Variants in HS3ST4 observed in about 807,000 individuals in gnomAD.
HS3ST4 encodes heparan sulfate glucosamine 3-O-sulfotransferase 4.
A neutral mutation model predicts 29.2 loss-of-function variants in HS3ST4; 17 were observed. The ratio of observed to expected loss-of-function variants is 0.58; its 90% CI spans 0.40 to 0.87. The LOEUF (loss-of-function observed/expected upper bound fraction) is 0.87. Ranked by LOEUF, HS3ST4 falls within the 40% of genes least tolerant of loss-of-function variation. The pLI, the probability that HS3ST4 is intolerant of heterozygous loss-of-function variation, is 0.00. For synonymous variants in HS3ST4, 314 were observed against 285.7 expected (o/e 1.10, Z -1.00); for missense variants, 627 against 634.5 (o/e 0.99, Z 0.13).
chr16:25,842,485 G>A (rs1306292852), intron 1 of HS3ST4, among the ~76,000 whole-genome samples: 1 of 152,184 alleles, frequency 6.6e-6, no homozygotes, highest in Admixed American at 6.5e-5. Context: ...GGACTGTGAT[G>A]TTTTGGAAGG....
intron 1 of HS3ST4, among the ~76,000 whole-genome samples, chr16:25,744,928 T>C (rs1301121149): frequency 2.0e-5 from 3 of 152,164 alleles, no homozygotes; most frequent in Non-Finnish European, 1.5e-5. Context: ...TAAACCACTT[T>C]CCTTTGTAAA....
intron 1 of HS3ST4, among the ~76,000 whole-genome samples, chr16:25,904,239 AATGG>A (rs921485275): frequency 4.6e-5 from 7 of 151,566 alleles, no homozygotes; most frequent in African/African-American, 1.7e-4. Flanking sequence ...TGAATGGATG[AATGG>A]ATGGATGGAA....
At chr16:25,831,364 C>T (rs1967295991) in intron 1 of HS3ST4, among the ~76,000 whole-genome samples, 1 of 150,642 alleles carries the variant, frequency 6.6e-6, no homozygotes, top group Non-Finnish European at 1.5e-5. Context: ...GGGTTTGAGA[C>T]CAGCCTGGGC....
At chr16:26,040,243 G>A (rs755298083) in intron 1 of HS3ST4, among the ~76,000 whole-genome samples, 12 of 149,856 alleles carry the variant, frequency 8.0e-5, no homozygotes, top group Non-Finnish European at 1.8e-4. Flanking sequence ...TGACTTGTCT[G>A]TCCATATTTG....
chr16:25,927,696 T>G (rs985431266), intron 1 of HS3ST4, among the ~76,000 whole-genome samples: 19 of 138,632 alleles, frequency 1.4e-4, no homozygotes, highest in East Asian at 4.0e-4. Context: ...TGTTTTTCTG[T>G]TTTTTTTTTT....
At chr16:25,816,087 TA>T (rs1340864148) in intron 1 of HS3ST4, among the ~76,000 whole-genome samples, 1 of 152,216 alleles carries the variant, frequency 6.6e-6, no homozygotes, top group Non-Finnish European at 1.5e-5. Flanking sequence ...TATTATAAAA[TA>T]CATATATATT....
chr16:25,934,879 G>A (rs374758589), intron 1 of HS3ST4, among the ~76,000 whole-genome samples: 7 of 152,044 alleles, frequency 4.6e-5, no homozygotes, highest in African/African-American at 1.2e-4. Flanking sequence ...CCGCAACCAC[G>A]CATAGCCTCC....
At chr16:26,130,045 A>G (rs1327513606) in intron 1 of HS3ST4, among the ~76,000 whole-genome samples, 1 of 152,190 alleles carries the variant, frequency 6.6e-6, no homozygotes, top group Non-Finnish European at 1.5e-5. Flanking sequence ...TTCAAAAGAG[A>G]AACTGGGCTG....
intron 1 of HS3ST4, among the ~76,000 whole-genome samples, chr16:26,022,204 A>G (rs1969419911): frequency 6.6e-6 from 1 of 151,848 alleles, no homozygotes; most frequent in South Asian, 2.1e-4. Context: ...CCTGGCCTCA[A>G]GCTACCCTCC....
At chr16:25,960,447 G>A (rs1336488786) in intron 1 of HS3ST4, among the ~76,000 whole-genome samples, 13 of 152,146 alleles carry the variant, frequency 8.5e-5, no homozygotes, top group Admixed American at 3.9e-4. Context: ...GTGGTTCTGC[G>A]TGATTCATCA....
chr16:25,971,125 A>T (rs1389972556), intron 1 of HS3ST4, among the ~76,000 whole-genome samples: 1 of 152,148 alleles, frequency 6.6e-6, no homozygotes, highest in Non-Finnish European at 1.5e-5. Flanking sequence ...TGCTGGGATT[A>T]CAGGTGTGAG....
At chr16:25,743,782 A>G (rs1966669612) in intron 1 of HS3ST4, among the ~76,000 whole-genome samples, 1 of 152,214 alleles carries the variant, frequency 6.6e-6, no homozygotes, top group African/African-American at 2.4e-5. Flanking sequence ...CTGGGATTAC[A>G]GGTGTGAGCC....
Position 25,918,468 on chromosome 16 carries a change from A to G in HS3ST4, c.735-217144A>G, listed in dbSNP as rs140611053. Among the ~76,000 whole-genome samples, 1,000 of 152,300 alleles carry G rather than the reference A, an allele frequency of 6.6e-3. 7 individuals are homozygous for G. The highest frequency in any genetic ancestry group is 0.023 in the African/African-American group (946 of 41,566). On this transcript the variant is annotated intron_variant, in intron 1 of 1. Coordinates refer to ENST00000331351, the MANE Select transcript of HS3ST4 (RefSeq NM_006040.3). ...GGTAGCACTACATGGTTAAGCATGC[A>G]TGTGCACAAGAGTTAGAAAAAATAG...
intron 1 of HS3ST4, among the ~76,000 whole-genome samples, chr16:26,003,001 A>G (rs1003961759): frequency 2.0e-5 from 3 of 151,650 alleles, no homozygotes; most frequent in Non-Finnish European, 4.4e-5. Context: ...AAAGGCACCA[A>G]TTTCTGCCTT....
At chr16:26,019,445 C>G (rs1232261364) in intron 1 of HS3ST4, among the ~76,000 whole-genome samples, 1 of 152,078 alleles carries the variant, frequency 6.6e-6, no homozygotes, top group Non-Finnish European at 1.5e-5. Context: ...TTTATTATTG[C>G]TTTATGGTAA....
intron 1 of HS3ST4, among the ~76,000 whole-genome samples, chr16:26,004,421 A>G (rs538814991): frequency 6.6e-6 from 1 of 152,324 alleles, no homozygotes; most frequent in South Asian, 2.1e-4. Flanking sequence ...GGAGAGATTT[A>G]CAAGGTTAAG....
chr16:25,786,905 A>C (rs1338173495), intron 1 of HS3ST4, among the ~76,000 whole-genome samples: 1 of 152,174 alleles, frequency 6.6e-6, no homozygotes, highest in African/African-American at 2.4e-5. Flanking sequence ...TGAATGGAAA[A>C]AATTACTTTT....
chr16:26,097,485 G>A (rs543550346), intron 1 of HS3ST4, among the ~76,000 whole-genome samples: 44 of 152,268 alleles, frequency 2.9e-4, no homozygotes, highest in African/African-American at 7.7e-4. Flanking sequence ...AATAGGAAAA[G>A]GATTCCCTAT....
chr16:26,075,434 C>T (rs1240700557), intron 1 of HS3ST4, among the ~76,000 whole-genome samples: 3 of 152,088 alleles, frequency 2.0e-5, no homozygotes, highest in East Asian at 3.9e-4. Context: ...AACTTGGAGC[C>T]GATCCAATAA....
Sources: gnomAD v4.1 joint callset for allele counts (sites outside exome capture counted in the v4.1 genomes callset) on GRCh38, gnomAD v4.1.1 for gene constraint, MANE v1.5 for transcripts, NCBI Gene and HGNC (gene_info 2026-07-23, HGNC 2026-07-21) for gene names.